LAMA2: variants seen among roughly 807,000 people sequenced by gnomAD.
LAMA2 encodes laminin subunit alpha-2.
In LAMA2, 269 loss-of-function variants were observed where a neutral mutation model predicts 364.8. The ratio of observed to expected loss-of-function variants is 0.74; its 90% CI spans 0.67 to 0.82. The LOEUF (loss-of-function observed/expected upper bound fraction) is 0.82. Among genes scored for constraint, LAMA2 ranks in the 40% least tolerant of loss-of-function variants. The probability of loss-of-function intolerance (pLI) is 0.00; values close to 1 mark genes in which losing one functional copy is unlikely to be tolerated. For synonymous variants in LAMA2, 1,379 were observed against 1,370.6 expected (o/e 1.01, Z -0.14); for missense variants, 3,807 against 3,873.2 (o/e 0.98, Z 0.45).
chr6:129,265,800 C>T (rs1308137297), intron 15 of LAMA2, among the ~76,000 whole-genome samples: 1 of 152,038 alleles, frequency 6.6e-6, no homozygotes, highest in Non-Finnish European at 1.5e-5. Flanking sequence ...ACCACCATGG[C>T]ACGTGTATAC....
intron 34 of LAMA2, among the ~76,000 whole-genome samples, chr6:129,374,487 A>G (rs1317280264): frequency 6.6e-6 from 1 of 152,114 alleles, no homozygotes; most frequent in Non-Finnish European, 1.5e-5. Flanking sequence ...AACTCCCCAG[A>G]TTATACTGAT....
chr6:129,208,798 A>T (rs563148057), intron 12 of LAMA2, among the ~76,000 whole-genome samples: 1 of 152,190 alleles, frequency 6.6e-6, no homozygotes, highest in Admixed American at 6.5e-5. Flanking sequence ...AATGGAAAGA[A>T]TAAAGAAATA....
chr6:129,380,822 AT>A, intron 34 of LAMA2, among the ~76,000 whole-genome samples: 1 of 152,182 alleles, frequency 6.6e-6, no homozygotes, highest in South Asian at 2.1e-4. Context: ...ATTCTTGACA[AT>A]TTAGTATTGA....
intron 1 of LAMA2, among the ~76,000 whole-genome samples, chr6:128,885,600 A>C (rs1051107960): frequency 6.6e-6 from 1 of 152,144 alleles, no homozygotes; most frequent in African/African-American, 2.4e-5. Flanking sequence ...TTTCCTGGCT[A>C]TGATCAACTT....
In LAMA2 at chr6:129,454,306, G is replaced by T; in HGVS notation, c.6707+18G>T. 1 of 1,594,376 alleles carries T rather than the reference G, an allele frequency of 6.3e-7. No homozygotes were observed. The highest frequency in any genetic ancestry group is 8.6e-7 in the Non-Finnish European group (1 of 1,163,624). On this transcript the variant is annotated intron_variant, in intron 47 of 64. Coordinates refer to ENST00000421865, the MANE Select transcript of LAMA2 (RefSeq NM_000426.4). ...GCATCAAGGTAACCAACTTAATAAA[G>T]ATTAAGATAATTAAATGATAGAATT...
intron 17 of LAMA2, among the ~76,000 whole-genome samples, chr6:129,275,528 T>C (rs186430766): frequency 6.6e-6 from 1 of 152,106 alleles, no homozygotes; most frequent in Admixed American, 6.6e-5. Context: ...ACTGTAAATG[T>C]TCACTGTAAA....
intron 53 of LAMA2, 86 bp from the exon 54 acceptor site, chr6:129,478,607 C>G (rs997511348): frequency 2.1e-6 from 3 of 1,429,332 alleles, no homozygotes; most frequent in Non-Finnish European, 3.0e-6. Flanking sequence ...TGTGTCTGCT[C>G]CACAAGGCTT....
intron 40 of LAMA2, among the ~76,000 whole-genome samples, chr6:129,427,293 T>C (rs1172778900): frequency 6.6e-6 from 1 of 152,216 alleles, no homozygotes; most frequent in African/African-American, 2.4e-5. Flanking sequence ...AGTCCACAAC[T>C]AGAGTGAAAT....
At chr6:129,328,007 AC>A (rs1423786397) in intron 28 of LAMA2, among the ~76,000 whole-genome samples, 1 of 152,184 alleles carries the variant, frequency 6.6e-6, no homozygotes, top group Non-Finnish European at 1.5e-5. Flanking sequence ...CAAGAAAAAT[AC>A]TCTTTGGAGC....
chr6:128,904,626 T>C (rs190281453), intron 1 of LAMA2, among the ~76,000 whole-genome samples: 99 of 151,960 alleles, frequency 6.5e-4, no homozygotes, highest in African/African-American at 2.3e-3. Flanking sequence ...GGCTAATTTA[T>C]TCTTGTATTT....
At chr6:129,379,721 T>C (rs1009153540) in intron 34 of LAMA2, among the ~76,000 whole-genome samples, 2 of 152,154 alleles carry the variant, frequency 1.3e-5, no homozygotes, top group Non-Finnish European at 1.5e-5. Context: ...AGCAGTGTAG[T>C]TGGGACTGGA....
intron 38 of LAMA2, 67 bp from the exon 39 acceptor site, chr6:129,402,257 G>T: frequency 1.2e-5 from 13 of 1,102,746 alleles, no homozygotes; most frequent in Non-Finnish European, 1.8e-5. Context: ...ATGTCTCATA[G>T]AGAAATTAGT....
intron 3 of LAMA2, among the ~76,000 whole-genome samples, chr6:129,060,871 G>A (rs1426589458): frequency 6.6e-6 from 1 of 152,162 alleles, no homozygotes; most frequent in African/African-American, 2.4e-5. Context: ...TTGCACGGTA[G>A]ACCTGCCTTC....
chr6:129,226,278 G>C (rs372749615), intron 12 of LAMA2, among the ~76,000 whole-genome samples: 32 of 152,198 alleles, frequency 2.1e-4, no homozygotes, highest in African/African-American at 6.5e-4. Context: ...TGGGTCTTGA[G>C]TCTTTATCCA....
intron 35 of LAMA2, among the ~76,000 whole-genome samples, chr6:129,386,906 CA>C (rs1779047613): frequency 6.6e-6 from 1 of 152,016 alleles, no homozygotes; most frequent in Non-Finnish European, 1.5e-5. Context: ...TGGGTTGCAA[CA>C]AAAAGCTGGC....
intron 46 of LAMA2, among the ~76,000 whole-genome samples, 183 bp from the exon 47 acceptor site, chr6:129,453,971 TA>T: frequency 6.7e-6 from 1 of 150,276 alleles, no homozygotes; most frequent in African/African-American, 2.4e-5. Flanking sequence ...TTTAAGGATA[TA>T]AAAATAAAAT....
At chr6:129,119,347 A>G (rs1346359360) in intron 4 of LAMA2, among the ~76,000 whole-genome samples, 2 of 152,072 alleles carry the variant, frequency 1.3e-5, no homozygotes, top group East Asian at 3.8e-4. Flanking sequence ...ATTATACTGC[A>G]AATTATTTAT....
chr6:129,323,460 G>A (rs1775086819), intron 28 of LAMA2, among the ~76,000 whole-genome samples: 2 of 152,114 alleles, frequency 1.3e-5, no homozygotes, highest in Admixed American at 1.3e-4. Context: ...GCACTGTTAT[G>A]ACAGTGCAGG....
At chr6:128,921,713 T>TTTTTTTTA (rs1328311348) in intron 1 of LAMA2, among the ~76,000 whole-genome samples, 1 of 144,834 alleles carries the variant, frequency 6.9e-6, no homozygotes, top group African/African-American at 2.6e-5. Context: ...TTTTTTTTTT[T>TTTTTTTTA]ATTATTATTA....
Sources: gnomAD v4.1 joint callset for allele counts (sites outside exome capture counted in the v4.1 genomes callset) on GRCh38, gnomAD v4.1.1 for gene constraint, MANE v1.5 for transcripts, NCBI Gene and HGNC (gene_info 2026-07-23, HGNC 2026-07-21) for gene names.